Variants in TAB2 observed in about 807,000 individuals in gnomAD.
TAB2 encodes TGF-beta activated kinase 1 (MAP3K7) binding protein 2.
Under a neutral mutation model 65.0 loss-of-function variants are expected in TAB2, and 3 were observed. The ratio of observed to expected loss-of-function variants is 0.05; its 90% CI spans 0.02 to 0.12. TAB2 has a LOEUF of 0.12. TAB2 is among the 10% of genes least tolerant of loss of function. The pLI is 1.00. For synonymous variants in TAB2, 298 were observed against 285.1 expected (o/e 1.05, Z -0.46); for missense variants, 623 against 840.3 (o/e 0.74, Z 3.20).
intron 1 of TAB2, among the ~76,000 whole-genome samples, chr6:149,341,447 T>G (rs1397845013): frequency 6.6e-6 from 1 of 152,198 alleles, no homozygotes; most frequent in African/African-American, 2.4e-5. Context: ...TGTTACATTC[T>G]TTAATAATGC....
chr6:149,318,458 C>G (rs1336792580), intron 1 of TAB2: 2 of 134,916 alleles, frequency 1.5e-5, no homozygotes, highest in Non-Finnish European at 3.1e-5. Context: ...TTAAAGATGA[C>G]TCAGGGGCGG....
chr6:149,244,174 G>A (rs1174664244), intron 1 of TAB2: 1 of 152,252 alleles, frequency 6.6e-6, no homozygotes, highest in Non-Finnish European at 1.5e-5. Context: ...GCTTTCCAGT[G>A]TTTGGGGAAA....
intron 1 of TAB2, among the ~76,000 whole-genome samples, chr6:149,254,289 G>A (rs1313648309): frequency 6.6e-6 from 1 of 152,222 alleles, no homozygotes. Context: ...TCACAGGAGA[G>A]TAAGGCAGAA....
At chr6:149,265,621 A>C (rs1049027596) in intron 1 of TAB2, among the ~76,000 whole-genome samples, 1 of 152,162 alleles carries the variant, frequency 6.6e-6, no homozygotes, top group African/African-American at 2.4e-5. Flanking sequence ...ACTGAAAGTA[A>C]AGTTTTATGA....
At chr6:149,228,450 T>C (rs1257006700) in intron 1 of TAB2, among the ~76,000 whole-genome samples, 1 of 152,190 alleles carries the variant, frequency 6.6e-6, no homozygotes, top group African/African-American at 2.4e-5. Flanking sequence ...TGCATTATAC[T>C]GTACGGAGCT....
At chr6:149,397,347 A>C (rs1782206249) in intron 3 of TAB2, among the ~76,000 whole-genome samples, 1 of 152,124 alleles carries the variant, frequency 6.6e-6, no homozygotes, top group South Asian at 2.1e-4. Flanking sequence ...AGGCTGAGGC[A>C]GGAGAATCAC....
intron 2 of TAB2, among the ~76,000 whole-genome samples, chr6:149,371,891 A>G (rs1433211854): frequency 6.6e-6 from 1 of 152,196 alleles, no homozygotes. Context: ...AAAGTGTGGG[A>G]AAGGAGCGGA....
chr6:149,345,750 T>A (rs1377786079), intron 1 of TAB2, among the ~76,000 whole-genome samples: 1 of 152,192 alleles, frequency 6.6e-6, no homozygotes, highest in Non-Finnish European at 1.5e-5. Flanking sequence ...AAACATTTTT[T>A]AAAAGCTTTT....
chr6:149,258,097 G>A (rs957121078), intron 1 of TAB2, among the ~76,000 whole-genome samples: 6 of 152,144 alleles, frequency 3.9e-5, no homozygotes, highest in Admixed American at 6.5e-5. Context: ...GTCTGGATGC[G>A]GCCTGGGATT....
chr6:149,227,343 G>C (rs1327556057), intron 1 of TAB2, among the ~76,000 whole-genome samples: 1 of 152,072 alleles, frequency 6.6e-6, no homozygotes, highest in East Asian at 1.9e-4. Context: ...GTCTACTTTT[G>C]GTTGAAAATA....
chr6:149,252,716 C>T (rs1186535950), intron 1 of TAB2, among the ~76,000 whole-genome samples: 3 of 152,180 alleles, frequency 2.0e-5, no homozygotes, highest in Non-Finnish European at 4.4e-5. Context: ...CTTAGTACTG[C>T]TCACACCCTT....
chr6:149,376,886 T>TCCC (rs58277096), intron 2 of TAB2, among the ~76,000 whole-genome samples: 2 of 143,136 alleles, frequency 1.4e-5, no homozygotes, highest in African/African-American at 5.1e-5. Flanking sequence ...AATCTGAGGT[T>TCCC]CCCCCCCCCC....
chr6:149,387,091 T>G (rs1781830482), intron 3 of TAB2, among the ~76,000 whole-genome samples: 1 of 152,186 alleles, frequency 6.6e-6, no homozygotes, highest in African/African-American at 2.4e-5. Context: ...AAGCACAAGT[T>G]TTTTATTTGG....
intron 1 of TAB2, among the ~76,000 whole-genome samples, chr6:149,326,220 G>A (rs1779611596): frequency 6.8e-6 from 1 of 146,066 alleles, no homozygotes; most frequent in Non-Finnish European, 1.5e-5. Flanking sequence ...GGTTTACTCA[G>A]TAGATTAAGA....
rs139441114 is a variant in TAB2, at chr6:149,399,150, T to C, written c.1905T>C (p.Ile635=). Residue 635 remains isoleucine, a synonymous_variant, in exon 6 of 7, where the codon ATT becomes ATC. Coordinates refer to ENST00000637181, the MANE Select transcript of TAB2 (RefSeq NM_001292034.3). ...CTATTCATAACTTTTATGACAATAT[T>C]GGATTTGTAGGTCCTGTGCCACCAA... ...PSAIHNFYDN[I]GFVGPVPPKP... is the part of the protein sequence containing the mutation. The C allele has an allele frequency of 3.7e-5, 59 of 1,613,666 alleles. No individual in the cohort carries two copies. The African/African-American group carries it at 6.8e-4, about 19-fold the overall frequency.
intron 1 of TAB2, among the ~76,000 whole-genome samples, chr6:149,366,239 T>C (rs952884947): frequency 1.3e-5 from 2 of 152,202 alleles, no homozygotes; most frequent in Non-Finnish European, 2.9e-5. Context: ...TGGTTTGTTA[T>C]CTGTTTCAAG....
At chr6:149,224,266 A>G (rs1777219761) in intron 1 of TAB2, among the ~76,000 whole-genome samples, 1 of 152,240 alleles carries the variant, frequency 6.6e-6, no homozygotes, top group African/African-American at 2.4e-5. Flanking sequence ...AGCTAATTGC[A>G]TTTAAGTATT....
chr6:149,240,870 C>G (rs1777584603), intron 1 of TAB2, among the ~76,000 whole-genome samples: 1 of 151,912 alleles, frequency 6.6e-6, no homozygotes, highest in African/African-American at 2.4e-5. Flanking sequence ...TGGTCATGCC[C>G]CTCCCCTAAA....
At chr6:149,405,392 C>T (rs954936924) in intron 6 of TAB2, among the ~76,000 whole-genome samples, 3 of 152,208 alleles carry the variant, frequency 2.0e-5, no homozygotes, top group South Asian at 2.1e-4. Context: ...ATCTCGCAAT[C>T]GCACTACTGA....
Sources: allele counts gnomAD v4.1 joint callset (sites outside exome capture counted in the v4.1 genomes callset), GRCh38; gene constraint gnomAD v4.1.1; transcripts MANE v1.5; gene names NCBI Gene and HGNC (gene_info 2026-07-23, HGNC 2026-07-21).